The following PHF21A variants were observed in gnomAD, a reference collection of about 807,000 sequenced individuals.
The protein encoded by PHF21A is BHC80a.
In PHF21A, 11 loss-of-function variants were observed where a neutral mutation model predicts 82.5. That is an observed-to-expected ratio of 0.13 (90% CI 0.08 to 0.22). PHF21A has a LOEUF of 0.22. Among genes scored for constraint, PHF21A ranks in the 10% least tolerant of loss-of-function variants. PHF21A has a pLI of 1.00. For synonymous variants in PHF21A, 297 were observed against 302.8 expected, an observed-to-expected ratio of 0.98 and a Z score of 0.20; for missense variants, 579 against 837.8, an observed-to-expected ratio of 0.69 and a Z score of 3.81.
chr11:45,989,921 GGTTGA>G (rs1258453411), intron 6 of PHF21A, among the ~76,000 whole-genome samples: 15 of 152,072 alleles, frequency 9.9e-5, no homozygotes, highest in African/African-American at 1.4e-4. Context: ...GAGCCCAGGA[GGTTGA>G]GGCTGCAGTG....
chr11:46,014,505 G>T lies in PHF21A; in HGVS notation c.154-34539C>A, dbSNP rs915853250. On this transcript the variant is annotated intron_variant, in intron 6 of 18. Coordinates refer to ENST00000676320, the MANE Select transcript of PHF21A (RefSeq NM_001352027.3). ...CAAGTGTACTTTTTGGTAGACTGAG[G>T]TATTTTCCTTTGGGTATATATCCAG... 3.9e-5 allele frequency among the ~76,000 whole-genome samples: 6 copies of T among 152,144 alleles called. 1 individual carries two copies. The highest frequency in any genetic ancestry group is 1.4e-4 in the African/African-American group (6 of 41,428).
chr11:46,119,739 CA>C (rs1346120976), intron 1 of PHF21A: 35 of 39,570 alleles, frequency 8.8e-4, no homozygotes, highest in Admixed American at 4.7e-3. Context: ...CGAACGTGGT[CA>C]GGGGAAAAAA....
At chr11:45,938,012 G>C in intron 16 of PHF21A, 145 bp downstream of exon 16, 1 of 611,272 alleles carries the variant, frequency 1.6e-6, no homozygotes, top group South Asian at 2.9e-5. Flanking sequence ...ATGCGCCTGC[G>C]TGCTGTGTCA....
chr11:45,943,890 T>C (rs1053930213), intron 15 of PHF21A, among the ~76,000 whole-genome samples: 2 of 152,126 alleles, frequency 1.3e-5, no homozygotes, highest in African/African-American at 4.8e-5. Context: ...CAAAAATGCA[T>C]ACCCTGAATC....
At chr11:46,030,195 C>T (rs552756501) in intron 6 of PHF21A, among the ~76,000 whole-genome samples, 1 of 152,310 alleles carries the variant, frequency 6.6e-6, no homozygotes, top group South Asian at 2.1e-4. Flanking sequence ...AGAATCCCAG[C>T]CTCTGAAAAG....
chr11:46,040,255 T>C (rs758765300), intron 6 of PHF21A, among the ~76,000 whole-genome samples: 24 of 152,174 alleles, frequency 1.6e-4, no homozygotes, highest in Non-Finnish European at 2.2e-4. Context: ...TGGTCTCACC[T>C]CAGTGGAAAA....
At chr11:45,958,633 T>C (rs1011862071) in intron 10 of PHF21A, among the ~76,000 whole-genome samples, 3 of 150,992 alleles carry the variant, frequency 2.0e-5, no homozygotes, top group Admixed American at 6.6e-5. Flanking sequence ...AATTAAATTA[T>C]AGACCAGGCT....
At chr11:45,971,890 C>CTTTCTTTTCTTTTTTTTTTTTTTTTTTT (rs57081937) in intron 7 of PHF21A, among the ~76,000 whole-genome samples, 1 of 50,294 alleles carries the variant, frequency 2.0e-5, no homozygotes. Flanking sequence ...CTTTTTCTTT[C>CTTTCTTTTCTTTTTTTTTTTTTTTTTTT]TTTTTTTTTT....
chr11:45,941,762 A>G (rs550119710), intron 15 of PHF21A, among the ~76,000 whole-genome samples: 1 of 152,334 alleles, frequency 6.6e-6, no homozygotes, highest in Admixed American at 6.5e-5. Context: ...GTAAGTTGAA[A>G]AACAGCTGGC....
chr11:46,074,235 T>A (rs2134868708), intron 6 of PHF21A, among the ~76,000 whole-genome samples: 1 of 152,174 alleles, frequency 6.6e-6, no homozygotes, highest in South Asian at 2.1e-4. Flanking sequence ...AAAAAATGAT[T>A]ACAGAAAAAT....
chr11:46,071,833 T>G (rs1402015531), intron 6 of PHF21A, among the ~76,000 whole-genome samples: 1 of 152,160 alleles, frequency 6.6e-6, no homozygotes, highest in Non-Finnish European at 1.5e-5. Flanking sequence ...TTAAAAATCA[T>G]GTTCTCAAAG....
intron 1 of PHF21A, among the ~76,000 whole-genome samples, chr11:46,102,448 G>C (rs555996778): frequency 1.3e-5 from 2 of 152,246 alleles, no homozygotes; most frequent in South Asian, 4.1e-4. Context: ...AGGCATCAGT[G>C]GTATTCTGTA....
At chr11:45,948,184 G>A (rs997135528) in intron 14 of PHF21A, among the ~76,000 whole-genome samples, 1 of 152,312 alleles carries the variant, frequency 6.6e-6, no homozygotes, top group Admixed American at 6.5e-5. Flanking sequence ...CCTTGTTTAT[G>A]AGCTCAAACC....
intron 6 of PHF21A, among the ~76,000 whole-genome samples, chr11:46,047,226 T>C (rs892795802): frequency 3.3e-5 from 5 of 152,116 alleles, no homozygotes; most frequent in African/African-American, 1.2e-4. Flanking sequence ...CATAGGGGTG[T>C]AGGGAGGATT....
intron 5 of PHF21A, 156 bp from the exon 6 acceptor site, chr11:46,076,975 T>C (rs564017360): frequency 1.2e-5 from 7 of 586,092 alleles, no homozygotes; most frequent in South Asian, 2.3e-5. Flanking sequence ...CATAATACCA[T>C]CACCTAATGC....
intron 1 of PHF21A, among the ~76,000 whole-genome samples, chr11:46,108,539 T>C (rs902228903): frequency 4.2e-5 from 6 of 142,008 alleles, no homozygotes; most frequent in African/African-American, 1.6e-4. Context: ...TATGGTATAA[T>C]TAAACTTCTT....
At chr11:46,048,738 C>G (rs2096295844) in intron 6 of PHF21A, among the ~76,000 whole-genome samples, 1 of 151,988 alleles carries the variant, frequency 6.6e-6, no homozygotes. Context: ...CCACTGCACT[C>G]CAGCTTGGGC....
chr11:45,959,240 AG>A (rs2092923698), intron 10 of PHF21A, among the ~76,000 whole-genome samples: 1 of 152,248 alleles, frequency 6.6e-6, no homozygotes, highest in Non-Finnish European at 1.5e-5. Flanking sequence ...TAACTATGTG[AG>A]GAGATAGATA....
At chr11:45,981,940 C>CTTTTTTTT (rs754937092) in intron 6 of PHF21A, among the ~76,000 whole-genome samples, 20 of 78,274 alleles carry the variant, frequency 2.6e-4, no homozygotes, top group Admixed American at 1.1e-3. Flanking sequence ...TTTTGTTTTT[C>CTTTTTTTT]TTTTTTTTTT....
Sources: gnomAD v4.1 joint callset for allele counts (sites outside exome capture counted in the v4.1 genomes callset) on GRCh38, gnomAD v4.1.1 for gene constraint, MANE v1.5 for transcripts, NCBI Gene and HGNC (gene_info 2026-07-23, HGNC 2026-07-21) for gene names.